Variants in AFF3 observed in about 807,000 individuals in gnomAD.
AFF3 encodes AF4/FMR2 family member 3.
In AFF3, 32 loss-of-function variants were observed where a neutral mutation model predicts 129.7. That is an observed-to-expected ratio of 0.25 (90% CI 0.19 to 0.33). The LOEUF (loss-of-function observed/expected upper bound fraction) is 0.33. Among genes scored for constraint, AFF3 ranks in the 10% least tolerant of loss-of-function variants. AFF3 has a pLI of 1.00. For synonymous variants in AFF3, 644 were observed against 635.4 expected, an observed-to-expected ratio of 1.01 and a Z score of -0.20; for missense variants, 1,373 against 1,592.0, an observed-to-expected ratio of 0.86 and a Z score of 2.34.
chr2:99,811,635 C>T (rs1190026084), intron 8 of AFF3, among the ~76,000 whole-genome samples: 1 of 152,116 alleles, frequency 6.6e-6, no homozygotes, highest in Non-Finnish European at 1.5e-5. Flanking sequence ...AAAGTATGCC[C>T]CTTGCAGAGC....
chr2:99,640,615 T>A (rs796699599), intron 13 of AFF3, among the ~76,000 whole-genome samples: 3 of 99,184 alleles, frequency 3.0e-5, no homozygotes, highest in African/African-American at 9.1e-5. Flanking sequence ...GGCCAGAGGG[T>A]TTTTTTTTTT....
At chr2:99,951,056 T>C (rs1009210150) in intron 7 of AFF3, among the ~76,000 whole-genome samples, 2 of 152,348 alleles carry the variant, frequency 1.3e-5, no homozygotes, top group East Asian at 3.9e-4. Context: ...CTTTATCTAG[T>C]CTAAAGACTA....
intron 19 of AFF3, 151 bp downstream of exon 19, chr2:99,568,701 G>A (rs1357138560): frequency 5.5e-6 from 4 of 733,592 alleles, no homozygotes; most frequent in Non-Finnish European, 9.3e-6. Flanking sequence ...ATTGGGCTAT[G>A]AACATTTGAT....
chr2:99,680,125 G>C (rs1469830565), intron 11 of AFF3, among the ~76,000 whole-genome samples: 2 of 152,142 alleles, frequency 1.3e-5, no homozygotes, highest in Non-Finnish European at 2.9e-5. Context: ...GGCAATCTAG[G>C]CCACAGTTAT....
intron 7 of AFF3, among the ~76,000 whole-genome samples, chr2:99,901,397 C>G (rs1694333946): frequency 6.6e-6 from 1 of 152,212 alleles, no homozygotes; most frequent in Non-Finnish European, 1.5e-5. Flanking sequence ...CTCCCGCTGT[C>G]AAGTGGGTTC....
intron 10 of AFF3, among the ~76,000 whole-genome samples, chr2:99,741,202 T>C (rs13000055): frequency 0.73 from 110,254 of 151,992 alleles, 41,083 homozygotes; most frequent in East Asian, 0.92. Context: ...CAACATAGTG[T>C]TGGAAGTTCT....
chr2:99,548,504 A>T lies in AFF3; in HGVS notation c.*2970T>A, dbSNP rs1674187785. The T allele has an allele frequency of 5.1e-6, 1 of 197,478 alleles. No homozygotes were observed. Among genetic ancestry groups the T allele is most frequent in the African/African-American group, 2.3e-5 (1 of 43,424 alleles). 12.2% of individuals were successfully genotyped at this position (197,478 alleles called of 1,614,324 possible). Reference sequence around the variant, plus strand: ...GTGGCTCATGCACTTTGGGAGGCCGAGGCCAAAGGATCGCTTGAGCCCAGG... The same window carrying T: ...GTGGCTCATGCACTTTGGGAGGCCGTGGCCAAAGGATCGCTTGAGCCCAGG... On this transcript the variant is annotated 3_prime_UTR_variant, in exon 25 of 25. Coordinates refer to ENST00000672756, the MANE Select transcript of AFF3 (RefSeq NM_001386135.1).
At chr2:99,991,396 A>C (rs1357068186) in intron 7 of AFF3, among the ~76,000 whole-genome samples, 1 of 152,174 alleles carries the variant, frequency 6.6e-6, no homozygotes, top group African/African-American at 2.4e-5. Context: ...ATCCCGATCC[A>C]TCTCTGCCGT....
chr2:99,628,794 C>T (rs909446645), intron 13 of AFF3, among the ~76,000 whole-genome samples: 2 of 145,056 alleles, frequency 1.4e-5, no homozygotes, highest in Non-Finnish European at 1.5e-5. Context: ...AATCTTGGCT[C>T]GCTGCAACCT....
chr2:99,994,746 A>AT (rs1413502715), intron 7 of AFF3, among the ~76,000 whole-genome samples: 1 of 152,174 alleles, frequency 6.6e-6, no homozygotes. Flanking sequence ...GTGGATGGAG[A>AT]TCAAGCCTGG....
chr2:99,869,515 C>G (rs1322418367), intron 7 of AFF3, among the ~76,000 whole-genome samples: 2 of 152,190 alleles, frequency 1.3e-5, no homozygotes, highest in African/African-American at 4.8e-5. Flanking sequence ...GCCACTAATA[C>G]AATCTTGGAA....
chr2:99,570,464 G>A (rs1216827948), intron 18 of AFF3, among the ~76,000 whole-genome samples: 1 of 152,108 alleles, frequency 6.6e-6, no homozygotes, highest in Admixed American at 6.6e-5. Flanking sequence ...AGCCTCCCAG[G>A]TAGCTGGGAC....
chr2:100,006,699 G>T lies in AFF3; in HGVS notation c.806C>A (p.Ala269Asp), dbSNP rs1682002575. ...GGCTCTGGCAGGCTCCGGCTTGCTG[G>T]CAGGGACTCCCCTGTATGATGTGCA... ...VHCTSYRGVP[A>D]SKPEPARAKA... is the part of the protein sequence containing the mutation. The change falls in exon 7 of 25, where the codon GCC (alanine) becomes GAC (aspartate). Residue 269 changes from alanine (A) to aspartate (D), a missense_variant. Physicochemically the swap from Ala to Asp is moderately radical, Grantham distance 126. Coordinates refer to ENST00000672756, the MANE Select transcript of AFF3 (RefSeq NM_001386135.1). 2.5e-6 allele frequency: 4 copies of T among 1,613,862 alleles called. No homozygotes were observed. The highest frequency in any genetic ancestry group is 3.4e-6 in the Non-Finnish European group (4 of 1,179,748).
At chr2:100,087,820 G>T (rs1689563911) in intron 4 of AFF3, among the ~76,000 whole-genome samples, 1 of 151,426 alleles carries the variant, frequency 6.6e-6, no homozygotes, top group Non-Finnish European at 1.5e-5. Flanking sequence ...TGCAAGGTTG[G>T]TTCAACATAT....
chr2:99,757,063 G>A (rs528330449), intron 8 of AFF3, among the ~76,000 whole-genome samples: 2 of 152,078 alleles, frequency 1.3e-5, no homozygotes, highest in Non-Finnish European at 2.9e-5. Flanking sequence ...CTCCACTCTC[G>A]GAGATCTCAT....
intron 7 of AFF3, among the ~76,000 whole-genome samples, chr2:99,914,082 C>T (rs1695287614): frequency 6.6e-6 from 1 of 152,098 alleles, no homozygotes; most frequent in Non-Finnish European, 1.5e-5. Flanking sequence ...TCTACACGGT[C>T]TCAAAAAGAT....
At chr2:99,656,616 C>T (rs947385210) in intron 12 of AFF3, among the ~76,000 whole-genome samples, 1 of 152,172 alleles carries the variant, frequency 6.6e-6, no homozygotes, top group African/African-American at 2.4e-5. Context: ...GGTTTAATTT[C>T]CTTCCACATC....
At chr2:100,026,548 G>GT (rs1684057041) in intron 4 of AFF3, among the ~76,000 whole-genome samples, 1 of 151,958 alleles carries the variant, frequency 6.6e-6, no homozygotes, top group South Asian at 2.1e-4. Context: ...CCACTACTGG[G>GT]TATCTACCCA....
At chr2:99,861,608 G>A (rs1691004749) in intron 7 of AFF3, among the ~76,000 whole-genome samples, 1 of 152,196 alleles carries the variant, frequency 6.6e-6, no homozygotes, top group Admixed American at 6.5e-5. Flanking sequence ...TGGTTGAGCT[G>A]CTCTGTACTT....
Sources: allele counts gnomAD v4.1 joint callset (sites outside exome capture counted in the v4.1 genomes callset), GRCh38; gene constraint gnomAD v4.1.1; transcripts MANE v1.5; gene names NCBI Gene and HGNC (gene_info 2026-07-23, HGNC 2026-07-21).